PHF2: variants seen among roughly 807,000 people sequenced by gnomAD.
PHF2 encodes the protein PHD finger protein 2.
In PHF2, 27 loss-of-function variants were observed where a neutral mutation model predicts 120.5. The ratio of observed to expected loss-of-function variants is 0.22; its 90% confidence interval spans 0.17 to 0.31. PHF2 has a LOEUF of 0.31. Among genes scored for constraint, PHF2 ranks in the 10% least tolerant of loss-of-function variants. The pLI is 1.00. For synonymous variants in PHF2, 568 were observed against 592.5 expected, an observed-to-expected ratio of 0.96 and a Z score of 0.60; for missense variants, 1,024 against 1,434.8, an observed-to-expected ratio of 0.71 and a Z score of 4.63.
chr9:93,662,881 T>C, intron 12 of PHF2, 26 bp from the exon 13 acceptor site: 1 of 1,613,310 alleles, frequency 6.2e-7, no homozygotes, highest in Non-Finnish European at 8.5e-7. Context: ...TGTCTGCCTC[T>C]GGGTCACAGC....
intron 1 of PHF2, among the ~76,000 whole-genome samples, chr9:93,592,494 AAG>A (rs1204117536): frequency 1.3e-5 from 2 of 152,158 alleles, no homozygotes; most frequent in Non-Finnish European, 2.9e-5. Context: ...ATTGCTTGGT[AAG>A]AGAGTGTTTC....
At chr9:93,648,555 T>C (rs1039994501) in intron 4 of PHF2, among the ~76,000 whole-genome samples, 1 of 152,200 alleles carries the variant, frequency 6.6e-6, no homozygotes, top group African/African-American at 2.4e-5. Context: ...GTCATGAGTC[T>C]TTTATAAAGA....
intron 1 of PHF2, among the ~76,000 whole-genome samples, chr9:93,629,610 A>G (rs769156979): frequency 4.6e-5 from 7 of 152,282 alleles, no homozygotes; most frequent in Non-Finnish European, 7.4e-5. Context: ...CCCCTGGTGA[A>G]GTGATGGGGA....
intron 1 of PHF2, among the ~76,000 whole-genome samples, chr9:93,615,143 TAGTA>T (rs1825704904): frequency 6.6e-6 from 1 of 150,840 alleles, no homozygotes; most frequent in East Asian, 2.0e-4. Flanking sequence ...GTGATGGTGA[TAGTA>T]ATGGTGATGA....
In PHF2 at chr9:93,677,057, C is replaced by T. The variant is rs1826931411; in HGVS notation, c.3202+94C>T. The T allele has an allele frequency of 2.9e-6, 4 of 1,361,730 alleles. No homozygotes were observed. The East Asian group carries it at 1.0e-4, about 35-fold the overall frequency. The allele number at this position is 1,361,730 out of a possible 1,614,324, so 84.4% of individuals were successfully genotyped here. ...TGCAGACTCGGCCCATGGTAGAGGG[C>T]AGCACATTGGGAGGGCTCCTGGGCC... On this transcript the variant is annotated intron_variant, in intron 21 of 21. Coordinates refer to ENST00000359246, the MANE Select transcript of PHF2 (RefSeq NM_005392.4). The surrounding 1 kb of genome is among the most constrained non-coding windows in gnomAD (Gnocchi z 4.4).
chr9:93,612,277 CTG>C (rs1825649614), intron 1 of PHF2, among the ~76,000 whole-genome samples: 1 of 152,184 alleles, frequency 6.6e-6, no homozygotes, highest in Non-Finnish European at 1.5e-5. Flanking sequence ...TAACAGGTGT[CTG>C]TGTCTAAAAT....
chr9:93,648,386 C>G (rs532345548), intron 4 of PHF2, among the ~76,000 whole-genome samples: 4 of 152,334 alleles, frequency 2.6e-5, no homozygotes, highest in South Asian at 4.1e-4. Flanking sequence ...GCCTGTTGTG[C>G]CTGGCCACAC....
intron 1 of PHF2, among the ~76,000 whole-genome samples, chr9:93,584,324 G>A (rs1428369562): frequency 6.6e-6 from 1 of 152,146 alleles, no homozygotes. Context: ...TACAATCCAA[G>A]ATTATAATTA....
intron 1 of PHF2, among the ~76,000 whole-genome samples, chr9:93,577,138 G>C (rs1419718700): frequency 6.7e-6 from 1 of 149,364 alleles, no homozygotes; most frequent in Non-Finnish European, 1.5e-5. Flanking sequence ...CGGGAGGTGG[G>C]CTCGGGGCTC....
intron 1 of PHF2, among the ~76,000 whole-genome samples, chr9:93,615,308 G>A (rs1825713096): frequency 6.6e-6 from 1 of 151,590 alleles, no homozygotes; most frequent in Non-Finnish European, 1.5e-5. Context: ...GATGATGTGT[G>A]ATAGTGATAG....
chr9:93,624,546 T>A (rs1327977249), intron 1 of PHF2, among the ~76,000 whole-genome samples: 3 of 151,210 alleles, frequency 2.0e-5, no homozygotes, highest in African/African-American at 4.9e-5. Context: ...GTGGTTGAAA[T>A]GATAATGATG....
At chr9:93,675,119 G>A in intron 19 of PHF2, 97 bp downstream of exon 19, 1 of 961,146 alleles carries the variant, frequency 1.0e-6, no homozygotes, top group Non-Finnish European at 1.6e-6. Context: ...TGTGGGCTCA[G>A]CTCTGCACCT....
At chr9:93,654,377 AGT>A (rs1289186583) in intron 6 of PHF2, 34 bp from the exon 7 acceptor site, 2 of 1,600,984 alleles carry the variant, frequency 1.2e-6, no homozygotes, top group Non-Finnish European at 1.7e-6. Context: ...CCCGCATCCC[AGT>A]ATGGGCGGCT....
Position 93,645,692 on chromosome 9 carries a change from C to A in PHF2, c.363C>A (p.His121Gln). ...SQLTLGYMEE[H>Q]GFTEPILVPK... ...TCACGCTGGGCTACATGGAGGAGCA[C>A]GGCTTCACCGAGCCCATCCTCGTCC... The change falls in exon 4 of 22, where the codon CAC (histidine) becomes CAA (glutamine). Residue 121 changes from histidine (H) to glutamine (Q), a missense_variant. By Grantham distance (24) the His-to-Gln change is conservative. Transcript: ENST00000359246. The A allele has an allele frequency of 5.0e-6, 8 of 1,612,818 alleles. No individual in the cohort carries two copies. The highest frequency in any genetic ancestry group is 6.8e-6 in the Non-Finnish European group (8 of 1,179,558).
intron 1 of PHF2, among the ~76,000 whole-genome samples, chr9:93,578,231 TG>T (rs1179441378): frequency 1.3e-5 from 2 of 152,218 alleles, no homozygotes; most frequent in African/African-American, 4.8e-5. Context: ...TGGGACTCTG[TG>T]GGGTGGGGAT....
rs1488500329 is a variant in PHF2 at position 93,677,496 on chromosome 9, G to A, written c.3203-92G>A. On this transcript the variant is annotated intron_variant, in intron 21 of 21. Coordinates refer to ENST00000359246, the MANE Select transcript of PHF2 (RefSeq NM_005392.4). The surrounding 1 kb of genome is among the most constrained non-coding windows in gnomAD (Gnocchi z 4.4). ...ATGGGGGACTGCAGGCTGCCCCTTA[G>A]TGTCAGCGGGACCCTCCCCCCCACC... The A allele has an allele frequency of 7.9e-6, 7 of 890,222 alleles. No individual in the cohort carries two copies. The African/African-American group carries it at 8.3e-5, about 11-fold the overall frequency. The allele number at this position is 890,222 out of a possible 1,614,324, so 55.1% of individuals were successfully genotyped here. A position where few individuals can be genotyped will look rare whatever the true frequency, so the allele number is the denominator to read the frequency against.
Position 93,649,167 on chromosome 9 carries a change from G to A in PHF2, c.557G>A (p.Arg186His). The A allele has an allele frequency of 1.3e-6, 2 of 1,544,262 alleles. No homozygotes were observed. The highest frequency in any genetic ancestry group is 1.7e-6 in the Non-Finnish European group (2 of 1,143,474). ...EFVDYYYSTN[R>H]KRVLNVTNLE... ...GTGGACTATTACTACAGCACCAACC[G>A]CAAGCGGGTCCTCAACGTCACCAAC... The change falls in exon 5 of 22, where the codon CGC becomes CAC. Residue 186 changes from arginine to histidine, a missense_variant. Coordinates refer to ENST00000359246, the MANE Select transcript of PHF2 (RefSeq NM_005392.4).
intron 1 of PHF2, among the ~76,000 whole-genome samples, chr9:93,595,670 C>T (rs538744441): frequency 1.5e-4 from 23 of 152,360 alleles, no homozygotes; most frequent in African/African-American, 2.2e-4. Context: ...AGGATGAGTG[C>T]GGCTGTGCAT....
At chr9:93,615,653 C>G (rs548823046) in intron 1 of PHF2, among the ~76,000 whole-genome samples, 1 of 152,310 alleles carries the variant, frequency 6.6e-6, no homozygotes, top group East Asian at 1.9e-4. Context: ...GTGTCACAGG[C>G]TGCAGGTGAT....
Sources: gnomAD v4.1 joint callset for allele counts (sites outside exome capture counted in the v4.1 genomes callset) on GRCh38, gnomAD v4.1.1 for gene constraint, Gnocchi (gnomAD v3.1) non-coding constraint, MANE v1.5 for transcripts, NCBI Gene and HGNC (gene_info 2026-07-23, HGNC 2026-07-21) for gene names.